The following CCDC59 variants were observed in gnomAD, a reference collection of about 807,000 sequenced individuals.
The protein encoded by CCDC59 is thyroid transcription factor 1-associated protein 26.
CCDC59 carries 27 observed loss-of-function variants against 30.5 expected under a neutral mutation model. The observed-to-expected ratio is 0.89, with a 90% CI of 0.65 to 1.22. The LOEUF (loss-of-function observed/expected upper bound fraction) is 1.22. Among genes scored for constraint, CCDC59 ranks in the 50% most tolerant of loss-of-function variants. CCDC59 has a pLI of 0.00. For synonymous variants in CCDC59, 125 were observed against 100.9 expected (o/e 1.24, Z -1.43); for missense variants, 362 against 284.4 (o/e 1.27, Z -1.96).
rs763581240 is a variant in CCDC59, at chr12:82,354,603, T to C, written c.465-9A>G. ...TTGGAATTGTAAAGGAGCTTTTAAT[T>C]GGGGGATGAGGAAACAGGACTTTAT... is the stretch of plus-strand genomic sequence containing the variant. On this transcript the variant is annotated splice_polypyrimidine_tract_variant and intron_variant, in intron 2 of 3. Coordinates refer to ENST00000256151, the MANE Select transcript of CCDC59 (RefSeq NM_014167.5). 4.5e-6 allele frequency: 7 copies of C among 1,564,744 alleles called. No homozygotes were observed. Among genetic ancestry groups the C allele is most frequent in the East Asian group, 4.6e-5 (2 of 43,288 alleles).
At chr12:82,354,623 C>CT in intron 2 of CCDC59, 29 bp from the exon 3 acceptor site, 6 of 1,536,410 alleles carry the variant, frequency 3.9e-6, no homozygotes, top group Non-Finnish European at 5.3e-6. Flanking sequence ...GGAAACAGGA[C>CT]TTTATTAGTA....
intron 3 of CCDC59, among the ~76,000 whole-genome samples, chr12:82,353,868 A>G (rs1880908478): frequency 6.6e-6 from 1 of 152,134 alleles, no homozygotes. Context: ...ACTTCAATGG[A>G]AAAACAAGAA....
upstream of CCDC59, chr12:82,358,547 G>T (rs773856101): frequency 2.5e-6 from 4 of 1,606,388 alleles, no homozygotes; most frequent in African/African-American, 1.3e-5. Context: ...GCCACCTACA[G>T]CCTCGGAGGG....
intron 2 of CCDC59, chr12:82,356,160 T>A (rs1461758538): frequency 1.3e-5 from 2 of 152,226 alleles, no homozygotes; most frequent in Non-Finnish European, 2.9e-5. Flanking sequence ...TAAAAAATTA[T>A]GCTCCCAAGT....
chr12:82,354,952 A>AT (rs897920147), intron 2 of CCDC59: 36 of 166,192 alleles, frequency 2.2e-4, no homozygotes, highest in Admixed American at 1.7e-3. Flanking sequence ...GTCATGAATC[A>AT]CCATACCTTG....
intron 2 of CCDC59, chr12:82,355,803 C>G (rs1880988703): frequency 6.6e-6 from 1 of 152,154 alleles, no homozygotes; most frequent in African/African-American, 2.4e-5. Flanking sequence ...ATTTCTCTTT[C>G]TCCAGTCCTG....
chr12:82,358,780 T>C (rs113882703), upstream of CCDC59: 4 of 1,612,822 alleles, frequency 2.5e-6, no homozygotes, highest in East Asian at 2.2e-5. Flanking sequence ...ACGGAGGCCC[T>C]GCCCTCAGAG....
At position 82,353,116 on chromosome 12, in the gene CCDC59, G is replaced by A. The variant is rs1880877023; in HGVS notation, c.*35C>T. The stretch of plus-strand genomic sequence containing the variant: ...GCACATGTCACAGAAGAACCTAATA[G>A]GCAGCAGATATTTTAACCTGTAGGA... On this transcript the variant is annotated 3_prime_UTR_variant, in exon 4 of 4. Coordinates refer to ENST00000256151, the MANE Select transcript of CCDC59 (RefSeq NM_014167.5). The A allele has an allele frequency of 2.1e-5, 33 of 1,549,300 alleles. No individual in the cohort carries two copies. The highest frequency in any genetic ancestry group is 2.9e-5 in the Non-Finnish European group (33 of 1,145,834).
In CCDC59 at chr12:82,353,203, T is replaced by C. The variant is rs764926980; in HGVS notation, c.674A>G (p.Asn225Ser). 22 of 1,611,216 alleles carry C rather than the reference T, an allele frequency of 1.4e-5. No homozygotes were observed. Among genetic ancestry groups the C allele is most frequent in the Non-Finnish European group, 1.9e-5 (22 of 1,179,340 alleles). Residue 225 changes from asparagine (N) to serine (S), a missense_variant, in exon 4 of 4, where the codon AAC (asparagine) becomes AGC (serine). Transcript: ENST00000256151. ...LNKKTKKGQP[N>S]LNVQMEYLLQ... ...AAGGTACTCCATTTGTACATTCAAG[T>C]TTGGTTGGCCCTTTTTAGTCTTTTT...
rs1338020026 is a variant in CCDC59, at chr12:82,357,198, T to C, written c.226A>G (p.Lys76Glu). Residue 76 changes from lysine (K) to glutamate (E), a missense_variant, in exon 2 of 4, where the codon AAG becomes GAG. Physicochemically the swap from Lys to Glu is moderately conservative, Grantham distance 56. Transcript: ENST00000256151. ...TGAGATTCCAGTGACGTTTGAGCCT[T>C]CTTTTCCTTCCGTAGCAATTTCTTG... ...SYKKLLRKEK[K>E]AQTSLESQFT... The C allele has an allele frequency of 3.1e-6, 5 of 1,614,090 alleles. No individual in the cohort carries two copies. The highest frequency in any genetic ancestry group is 4.5e-5 in the East Asian group (2 of 44,884).
At chr12:82,356,136 C>T (rs193196705) in intron 2 of CCDC59, 10 of 152,306 alleles carry the variant, frequency 6.6e-5, no homozygotes, top group Non-Finnish European at 8.8e-5. Context: ...TTAAAAGATA[C>T]GGTTTTAATG....
At chr12:82,358,505 G>C, upstream of CCDC59, 1 of 1,596,254 alleles carries the variant, frequency 6.3e-7, no homozygotes, top group Non-Finnish European at 8.5e-7. Context: ...GTGCTAATTT[G>C]GGCCGAGCTG....
upstream of CCDC59, chr12:82,358,737 G>A (rs755655200): frequency 3.7e-6 from 6 of 1,614,142 alleles, no homozygotes; most frequent in Non-Finnish European, 5.1e-6. Context: ...ACCGGAGACA[G>A]TGCTGGCTGC....
At chr12:82,356,819 C>T (rs566246372) in intron 2 of CCDC59, 141 bp downstream of exon 2, 3 of 639,336 alleles carry the variant, frequency 4.7e-6, no homozygotes, top group South Asian at 5.4e-5. Flanking sequence ...ATAGAGCCTC[C>T]ATGAAAATGT....
chr12:82,356,415 C>A (rs541137328), intron 2 of CCDC59, among the ~76,000 whole-genome samples: 1 of 152,184 alleles, frequency 6.6e-6, no homozygotes, highest in Admixed American at 6.5e-5. Flanking sequence ...CTCGCTGAGT[C>A]TTCACAACAA....
intron 1 of CCDC59, chr12:82,357,471 G>C: frequency 1.7e-6 from 1 of 575,576 alleles, no homozygotes; most frequent in Non-Finnish European, 3.1e-6. Flanking sequence ...AAAAGACCAG[G>C]CTAACAGTCA....
chr12:82,358,131 G>C, intron 1 of CCDC59, 92 bp downstream of exon 1: 1 of 1,451,684 alleles, frequency 6.9e-7, no homozygotes, highest in Non-Finnish European at 9.5e-7. Context: ...GACCGGGTCT[G>C]GTTCCTAAAT....
In CCDC59 at chr12:82,352,899, C is replaced by T; in HGVS notation, c.*252G>A. On this transcript the variant is annotated 3_prime_UTR_variant, in exon 4 of 4. Coordinates refer to ENST00000256151, the MANE Select transcript of CCDC59 (RefSeq NM_014167.5). ...TCATATGGTACAAAAGTATTACATGCTTGGGCCTGTCTTGCAAAATAAGAG... is the reference window on the plus strand; with the variant it reads ...TCATATGGTACAAAAGTATTACATGTTTGGGCCTGTCTTGCAAAATAAGAG... The T allele has an allele frequency of 3.2e-6, 1 of 310,142 alleles. No individual in the cohort carries two copies. Among genetic ancestry groups the T allele is most frequent in the South Asian group, 9.2e-5 (1 of 10,852 alleles). 19.2% of individuals were successfully genotyped at this position (310,142 alleles called of 1,614,324 possible).
At chr12:82,358,081 C>T in intron 1 of CCDC59, 142 bp downstream of exon 1, 2 of 898,242 alleles carry the variant, frequency 2.2e-6, no homozygotes, top group Non-Finnish European at 3.4e-6. Context: ...AAGCTCACAG[C>T]TTTAGCGGGC....
Sources: allele counts gnomAD v4.1 joint callset (sites outside exome capture counted in the v4.1 genomes callset), GRCh38; gene constraint gnomAD v4.1.1; transcripts MANE v1.5; gene names NCBI Gene and HGNC (gene_info 2026-07-23, HGNC 2026-07-21).